The following FANCA variants were observed in gnomAD, a reference collection of about 807,000 sequenced individuals.
The protein encoded by FANCA is Fanconi anemia group A protein.
Under a neutral mutation model 194.3 loss-of-function variants are expected in FANCA, and 236 were observed. That is an observed-to-expected ratio of 1.21 (90% CI 1.09 to 1.35). The LOEUF is 1.35. Among genes scored for constraint, FANCA ranks in the 40% most tolerant of loss-of-function variants. FANCA has a pLI of 0.00. For missense variants in FANCA, 2,628 were observed against 1,813.9 expected (o/e 1.45, Z -8.15); for synonymous variants, 1,014 against 715.8 (o/e 1.42, Z -6.65).
At chr16:89,803,094 C>T (rs1054445166) in intron 8 of FANCA, among the ~76,000 whole-genome samples, 165 bp downstream of exon 8, 1 of 152,194 alleles carries the variant, frequency 6.6e-6, no homozygotes, top group Non-Finnish European at 1.5e-5. Context: ...AGACTCTAAA[C>T]ACCCTGACTT....
chr16:89,745,263 C>T (rs997978810), intron 35 of FANCA, among the ~76,000 whole-genome samples, 192 bp from the exon 36 acceptor site: 1 of 152,240 alleles, frequency 6.6e-6, no homozygotes, highest in Non-Finnish European at 1.5e-5. Context: ...CATTTATTAC[C>T]CACACTCATG....
chr16:89,757,909 G>C (rs772618011), intron 30 of FANCA, among the ~76,000 whole-genome samples: 2 of 152,152 alleles, frequency 1.3e-5, no homozygotes, highest in Non-Finnish European at 2.9e-5. Context: ...ACAGAGTCTT[G>C]CTCTGTCGCC....
At chr16:89,800,957 C>A (rs377163582) in intron 8 of FANCA, among the ~76,000 whole-genome samples, 2 of 149,262 alleles carry the variant, frequency 1.3e-5, no homozygotes, top group African/African-American at 2.5e-5. Flanking sequence ...AGCTTGAACC[C>A]GGTAGGCGGA....
intron 23 of FANCA, among the ~76,000 whole-genome samples, chr16:89,770,981 A>G (rs1257725245): frequency 1.3e-5 from 2 of 152,056 alleles, no homozygotes; most frequent in East Asian, 1.9e-4. Context: ...CCTGGTCAAC[A>G]TGATGAAACC....
At chr16:89,815,127 C>T (rs1220007653) in intron 2 of FANCA, among the ~76,000 whole-genome samples, 1 of 151,878 alleles carries the variant, frequency 6.6e-6, no homozygotes, top group African/African-American at 2.4e-5. Context: ...ACCTCCACCT[C>T]CCAGGTTCAA....
rs201251161 is a variant in FANCA, at chr16:89,799,155, C to A, written c.893+11G>T. On this transcript the variant is annotated intron_variant, in intron 10 of 42. Transcript: ENST00000389301. The stretch of plus-strand genomic sequence containing the variant: ...GCTGCACACTCAGGCAGGCCACCCT[C>A]AGGAACATACCAGCACCTCACGATC... 1.9e-6 allele frequency: 3 copies of A among 1,614,220 alleles called. No individual in the cohort carries two copies. Among genetic ancestry groups the A allele is most frequent in the African/African-American group, 2.7e-5 (2 of 75,052 alleles).
intron 11 of FANCA, among the ~76,000 whole-genome samples, chr16:89,795,284 C>CAATGAATA (rs1555564094): frequency 7.1e-6 from 1 of 140,012 alleles, no homozygotes; most frequent in Non-Finnish European, 1.5e-5. Flanking sequence ...ACTCCATCTC[C>CAATGAATA]AATAAATAAA....
chr16:89,744,127 T>G (rs1408246857), intron 36 of FANCA, among the ~76,000 whole-genome samples: 1 of 152,160 alleles, frequency 6.6e-6, no homozygotes, highest in African/African-American at 2.4e-5. Flanking sequence ...ACTCCTGACC[T>G]CAGGTGATCC....
At chr16:89,810,152 C>G (rs528949284) in intron 5 of FANCA, among the ~76,000 whole-genome samples, 1 of 151,796 alleles carries the variant, frequency 6.6e-6, no homozygotes, top group South Asian at 2.1e-4. Context: ...GAAACCCCGT[C>G]TCTGCTAAAA....
At chr16:89,755,608 C>T (rs574254500) in intron 30 of FANCA, among the ~76,000 whole-genome samples, 4 of 152,078 alleles carry the variant, frequency 2.6e-5, no homozygotes, top group African/African-American at 9.6e-5. Context: ...GTGCATTAAA[C>T]GATACTATCA....
Position 89,742,847 on chromosome 16 carries a change from C to T in FANCA, c.3718G>A (p.Glu1240Lys), listed in dbSNP as rs150719428. ...TTCTTTAGCTGCTTCCTGATGTTTTCTTCCCTGACTTGTTGAATCGCAAAG... is the reference window on the plus strand; with the variant it reads ...TTCTTTAGCTGCTTCCTGATGTTTTTTTCCCTGACTTGTTGAATCGCAAAG... ...LHFAIQQVRE[E>K]NIRKQLKKLD... Residue 1240 changes from glutamate to lysine, a missense_variant, in exon 37 of 43, where the codon GAA (glutamate) becomes AAA (lysine). Coordinates refer to ENST00000389301, the MANE Select transcript of FANCA (RefSeq NM_000135.4). The T allele has an allele frequency of 1.2e-6, 2 of 1,614,068 alleles. No homozygotes were observed. The highest frequency in any genetic ancestry group is 4.5e-5 in the East Asian group (2 of 44,904).
chr16:89,757,516 TTGATA>T (rs1170713004), intron 30 of FANCA, among the ~76,000 whole-genome samples: 1 of 152,208 alleles, frequency 6.6e-6, no homozygotes, highest in African/African-American at 2.4e-5. Context: ...CATGATTCTG[TTGATA>T]TTAAACATCC....
chr16:89,751,399 G>A (rs958590828), intron 31 of FANCA, among the ~76,000 whole-genome samples: 2 of 152,154 alleles, frequency 1.3e-5, no homozygotes, highest in African/African-American at 4.8e-5. Context: ...TTGAGCCCAG[G>A]AAGTCAAGGC....
intron 29 of FANCA, among the ~76,000 whole-genome samples, chr16:89,761,006 G>A (rs1321736179): frequency 6.6e-6 from 1 of 152,164 alleles, no homozygotes. Context: ...ATACAAAGGT[G>A]CCATATGGGC....
At chr16:89,791,291 C>T (rs552959367) in intron 14 of FANCA, 112 bp downstream of exon 14, 7 of 1,432,876 alleles carry the variant, frequency 4.9e-6, no homozygotes, top group Middle Eastern at 1.7e-4. Context: ...GCAAAGCTGA[C>T]AGCAAGGTTG....
intron 14 of FANCA, among the ~76,000 whole-genome samples, chr16:89,790,338 G>A (rs2040026815): frequency 2.0e-5 from 3 of 151,804 alleles, no homozygotes; most frequent in Admixed American, 2.0e-4. Flanking sequence ...AGGTTGCAGT[G>A]AGCCGAGGTC....
chr16:89,746,318 T>TG (rs1362006549), intron 35 of FANCA, among the ~76,000 whole-genome samples: 3 of 152,092 alleles, frequency 2.0e-5, no homozygotes, highest in African/African-American at 7.2e-5. Context: ...AAGGTGCCCG[T>TG]GGGGTCTGAG....
intron 31 of FANCA, 82 bp from the exon 32 acceptor site, chr16:89,749,984 G>A (rs1450600839): frequency 1.4e-6 from 2 of 1,447,010 alleles, no homozygotes; most frequent in Non-Finnish European, 1.9e-6. Context: ...TCAGGGGTCA[G>A]GGAGAGGTCT....
chr16:89,753,028 T>C (rs975570646), intron 30 of FANCA, among the ~76,000 whole-genome samples: 3 of 152,334 alleles, frequency 2.0e-5, no homozygotes, highest in South Asian at 4.1e-4. Flanking sequence ...ATGCTCCTAG[T>C]CCACCTTCAT....
Sources: gnomAD v4.1 joint callset for allele counts (sites outside exome capture counted in the v4.1 genomes callset) on GRCh38, gnomAD v4.1.1 for gene constraint, MANE v1.5 for transcripts, NCBI Gene and HGNC (gene_info 2026-07-23, HGNC 2026-07-21) for gene names.